TMEM182: variants seen among roughly 807,000 people sequenced by gnomAD.
TMEM182 encodes transmembrane protein 182.
TMEM182 carries 20 observed loss-of-function variants against 26.8 expected under a neutral mutation model. That is an observed-to-expected ratio of 0.75 (90% CI 0.53 to 1.09). The LOEUF is 1.09. Among genes scored for constraint, TMEM182 ranks in the 50% least tolerant of loss-of-function variants. The pLI is 0.00. For synonymous variants in TMEM182, 109 were observed against 102.2 expected, an observed-to-expected ratio of 1.07 and a Z score of -0.40; for missense variants, 277 against 275.5, an observed-to-expected ratio of 1.01 and a Z score of -0.04.
chr2:102,842,115 A>G (rs1683364456), intron 3 of TMEM182, among the ~76,000 whole-genome samples: 1 of 152,114 alleles, frequency 6.6e-6, no homozygotes, highest in African/African-American at 2.4e-5. Context: ...CTCTAGGAGG[A>G]TAATTCACTT....
intron 3 of TMEM182, among the ~76,000 whole-genome samples, chr2:102,842,276 G>C (rs1361995977): frequency 7.2e-5 from 11 of 152,214 alleles, no homozygotes; most frequent in African/African-American, 2.6e-4. Context: ...TATTCCGATT[G>C]ATGGTGCTGT....
rs114400635 is a variant in TMEM182 at position 102,764,212 on chromosome 2, A to C, written c.233-117A>C. Reference sequence around the variant, plus strand: ...AACAATTCGCTGAATTTGCTGATGGAACCAGTAGTTTTGTTTTGCTTGTGT... The same window carrying C: ...AACAATTCGCTGAATTTGCTGATGGCACCAGTAGTTTTGTTTTGCTTGTGT... On this transcript the variant is annotated intron_variant, in intron 2 of 4. Transcript: ENST00000412401. 2.8e-3 allele frequency: 2,746 copies of C among 982,746 alleles called. 59 individuals carry two copies. The African/African-American group carries it at 0.039, about 14-fold the overall frequency. The allele number at this position is 982,746 out of a possible 1,614,324, so 60.9% of individuals were successfully genotyped here. A position where few individuals can be genotyped will look rare whatever the true frequency, so the allele number is the denominator to read the frequency against.
chr2:102,753,722 G>A (rs771889652), intron 1 of TMEM182, among the ~76,000 whole-genome samples: 1 of 152,098 alleles, frequency 6.6e-6, no homozygotes, highest in Non-Finnish European at 1.5e-5. Flanking sequence ...TGTAATGTTC[G>A]TTGGAATGCA....
At chr2:102,758,590 T>C, upstream of TMEM182, 1 of 680,418 alleles carries the variant, frequency 1.5e-6, no homozygotes. Context: ...CTCCAGAGCT[T>C]AACAAGTACC....
chr2:102,788,676 G>A (rs1206830632), intron 3 of TMEM182, among the ~76,000 whole-genome samples: 1 of 152,052 alleles, frequency 6.6e-6, no homozygotes, highest in African/African-American at 2.4e-5. Context: ...AACCCTGTGT[G>A]AAGAAACTCA....
intron 3 of TMEM182, among the ~76,000 whole-genome samples, chr2:102,786,771 T>A (rs1681412164): frequency 6.6e-6 from 1 of 152,180 alleles, no homozygotes; most frequent in African/African-American, 2.4e-5. Context: ...CTCTACTTAC[T>A]CATATTTTAT....
At chr2:102,745,828 A>G (rs1344493995) in intron 1 of TMEM182, among the ~76,000 whole-genome samples, 4 of 152,182 alleles carry the variant, frequency 2.6e-5, no homozygotes, top group East Asian at 3.8e-4. Context: ...TTATGGATAT[A>G]CCACATTTTA....
At chr2:102,830,376 T>C (rs1683127561) in intron 3 of TMEM182, among the ~76,000 whole-genome samples, 2 of 152,194 alleles carry the variant, frequency 1.3e-5, no homozygotes. Flanking sequence ...ACTTGGGTTT[T>C]AAGGGTTCTG....
intron 3 of TMEM182, among the ~76,000 whole-genome samples, chr2:102,773,009 T>G (rs1233052384): frequency 6.6e-6 from 1 of 152,076 alleles, no homozygotes; most frequent in African/African-American, 2.4e-5. Context: ...GAGTTAGTGC[T>G]TCATAGACAC....
At chr2:102,800,537 A>G (rs1682075209) in intron 4 of TMEM182, among the ~76,000 whole-genome samples, 1 of 152,056 alleles carries the variant, frequency 6.6e-6, no homozygotes, top group African/African-American at 2.4e-5. Context: ...TTCTCACCCA[A>G]ACGACACTTT....
At chr2:102,820,797 A>G (rs1322771732), downstream of TMEM182, among the ~76,000 whole-genome samples, 4 of 152,222 alleles carry the variant, frequency 2.6e-5, no homozygotes, top group East Asian at 1.9e-4. Flanking sequence ...TTGCCTCATT[A>G]TAGTATATTT....
chr2:102,815,999 C>T lies in TMEM182; in HGVS notation c.*1031C>T, dbSNP rs1682730834. ...CATTTGATTCCTTTAATTACTGTCC[C>T]TCAATTTCTTCATCTTTACAATAGA... On this transcript the variant is annotated 3_prime_UTR_variant, in exon 5 of 5. Coordinates refer to ENST00000412401, the MANE Select transcript of TMEM182 (RefSeq NM_144632.5). 3.0e-6 allele frequency: 3 copies of T among 984,960 alleles called. No homozygotes were observed. Among genetic ancestry groups the T allele is most frequent in the Non-Finnish European group, 3.6e-6 (3 of 829,628 alleles). 61.0% of individuals were successfully genotyped at this position (984,960 alleles called of 1,614,324 possible). A position where few individuals can be genotyped will look rare whatever the true frequency, so the allele number is the denominator to read the frequency against.
chr2:102,831,879 C>A (rs1302601468), intron 3 of TMEM182, among the ~76,000 whole-genome samples: 1 of 152,190 alleles, frequency 6.6e-6, no homozygotes. Flanking sequence ...ACCCAACCAC[C>A]AACTGATGGC....
At chr2:102,830,530 GTATTTATGTATT>G (rs1341333918) in intron 3 of TMEM182, among the ~76,000 whole-genome samples, 2 of 151,930 alleles carry the variant, frequency 1.3e-5, no homozygotes, top group East Asian at 1.9e-4. Context: ...TTTTATTTAT[GTATTTATGTATT>G]TATTTATGTA....
upstream of TMEM182, among the ~76,000 whole-genome samples, chr2:102,760,090 C>G (rs1439633194): frequency 6.8e-6 from 1 of 147,120 alleles, no homozygotes; most frequent in Admixed American, 6.9e-5. Flanking sequence ...AGAATATACC[C>G]AGAATATTTT....
At chr2:102,832,777 CCA>C (rs1683176824) in intron 3 of TMEM182, among the ~76,000 whole-genome samples, 1 of 152,244 alleles carries the variant, frequency 6.6e-6, no homozygotes, top group South Asian at 2.1e-4. Flanking sequence ...TTCTCCCCCA[CCA>C]CACACACACT....
rs184723676 is a variant in TMEM182 at position 102,769,021 on chromosome 2, C to T, written c.331+4594C>T. Reference sequence around the variant, plus strand: ...CTGCCAGGAACCCAGGCTCTGTCAACTGTTTCTTCTACCATCCTTGGGGGT... The same window carrying T: ...CTGCCAGGAACCCAGGCTCTGTCAATTGTTTCTTCTACCATCCTTGGGGGT... On this transcript the variant is annotated intron_variant, in intron 3 of 4. Transcript: ENST00000412401. Among the ~76,000 whole-genome samples the T allele has an allele frequency of 1.5e-4, 23 of 152,292 alleles. 1 individual carries two copies. Among genetic ancestry groups the T allele is most frequent in the Admixed American group, 1.2e-3 (19 of 15,294 alleles).
chr2:102,839,657 TA>T (rs1683311477), intron 3 of TMEM182, among the ~76,000 whole-genome samples: 1 of 152,102 alleles, frequency 6.6e-6, no homozygotes, highest in Non-Finnish European at 1.5e-5. Flanking sequence ...CATGACTTTT[TA>T]GGTAAAAATT....
chr2:102,822,440 A>T (rs1311518973), downstream of TMEM182, among the ~76,000 whole-genome samples: 2 of 152,142 alleles, frequency 1.3e-5, no homozygotes, highest in East Asian at 3.9e-4. Context: ...TGCTGAGGGG[A>T]TGAGTAGGAC....
Sources: gnomAD v4.1 joint callset for allele counts (sites outside exome capture counted in the v4.1 genomes callset) on GRCh38, gnomAD v4.1.1 for gene constraint, MANE v1.5 for transcripts, NCBI Gene and HGNC (gene_info 2026-07-23, HGNC 2026-07-21) for gene names.